Variants in ULK4 observed in about 807,000 individuals in gnomAD.
ULK4 encodes unc-51 like kinase 4.
A neutral mutation model predicts 160.6 loss-of-function variants in ULK4; 133 were observed. The observed-to-expected ratio is 0.83, with a 90% CI of 0.72 to 0.96. ULK4 has a LOEUF of 0.96. Among genes scored for constraint, ULK4 ranks in the 40% least tolerant of loss-of-function variants. The pLI, the probability that ULK4 is intolerant of heterozygous loss-of-function variation, is 0.00. For synonymous variants in ULK4, 534 were observed against 539.8 expected, an observed-to-expected ratio of 0.99 and a Z score of 0.15; for missense variants, 1,580 against 1,499.5, an observed-to-expected ratio of 1.05 and a Z score of -0.89.
At chr3:41,278,531 C>A (rs1004324166) in intron 35 of ULK4, among the ~76,000 whole-genome samples, 1 of 152,152 alleles carries the variant, frequency 6.6e-6, no homozygotes, top group African/African-American at 2.4e-5. Context: ...GGCTGGGAGA[C>A]ACCTCCCAGT....
intron 35 of ULK4, among the ~76,000 whole-genome samples, chr3:41,366,573 A>ACACACACACACACACACACACT (rs4016417): frequency 2.3e-4 from 35 of 151,556 alleles, no homozygotes; most frequent in African/African-American, 8.0e-4. Flanking sequence ...ACACACACAC[A>ACACACACACACACACACACACT]CTTTATCTAT....
At chr3:41,581,936 G>C (rs2030382444) in intron 31 of ULK4, among the ~76,000 whole-genome samples, 1 of 152,200 alleles carries the variant, frequency 6.6e-6, no homozygotes, top group South Asian at 2.1e-4. Context: ...AGTGAAATGG[G>C]AAGTGACAAA....
intron 27 of ULK4, among the ~76,000 whole-genome samples, chr3:41,699,610 A>G (rs2036606454): frequency 6.6e-6 from 1 of 152,214 alleles, no homozygotes; most frequent in African/African-American, 2.4e-5. Context: ...AAACTCTGGG[A>G]AAAATCTGAA....
intron 30 of ULK4, among the ~76,000 whole-genome samples, chr3:41,645,758 T>G (rs1449947283): frequency 6.6e-6 from 1 of 152,212 alleles, no homozygotes; most frequent in African/African-American, 2.4e-5. Flanking sequence ...GTTAACTTTC[T>G]GTCTTGTTGA....
At chr3:41,891,782 A>G (rs1446782572) in intron 16 of ULK4, among the ~76,000 whole-genome samples, 1 of 152,058 alleles carries the variant, frequency 6.6e-6, no homozygotes, top group Non-Finnish European at 1.5e-5. Flanking sequence ...GCAGGTGCCT[A>G]TAATCCCAGC....
chr3:41,673,230 G>A (rs2035596301), intron 29 of ULK4, among the ~76,000 whole-genome samples: 1 of 152,040 alleles, frequency 6.6e-6, no homozygotes, highest in South Asian at 2.1e-4. Flanking sequence ...AGATGGTCAA[G>A]TTCATACCTA....
chr3:41,305,552 C>T (rs2079893075), intron 35 of ULK4, among the ~76,000 whole-genome samples: 1 of 152,198 alleles, frequency 6.6e-6, no homozygotes, highest in African/African-American at 2.4e-5. Context: ...AGTGCAGTGG[C>T]GTGATCTCGG....
intron 20 of ULK4, among the ~76,000 whole-genome samples, chr3:41,795,440 C>T (rs768045421): frequency 3.9e-5 from 6 of 152,136 alleles, no homozygotes; most frequent in Non-Finnish European, 5.9e-5. Flanking sequence ...GGGCAGGATG[C>T]TCCCTCTTAA....
At chr3:41,938,865 G>C (rs1699863736) in intron 2 of ULK4, among the ~76,000 whole-genome samples, 1 of 152,010 alleles carries the variant, frequency 6.6e-6, no homozygotes, top group South Asian at 2.1e-4. Flanking sequence ...TTTTCTATTG[G>C]CTACACTAAG....
chr3:41,827,327 G>C (rs188289240), intron 18 of ULK4, among the ~76,000 whole-genome samples: 1 of 151,572 alleles, frequency 6.6e-6, no homozygotes, highest in East Asian at 1.9e-4. Flanking sequence ...AACTGAAGGA[G>C]ACAGAGACAC....
At chr3:41,735,399 G>C (rs555311152) in intron 22 of ULK4, among the ~76,000 whole-genome samples, 87 of 152,098 alleles carry the variant, frequency 5.7e-4, no homozygotes, top group African/African-American at 1.7e-3. Context: ...CTTAATTCAG[G>C]CTTCTCCTTA....
At chr3:41,310,803 G>A (rs888845375) in intron 35 of ULK4, among the ~76,000 whole-genome samples, 4 of 152,054 alleles carry the variant, frequency 2.6e-5, no homozygotes, top group Non-Finnish European at 5.9e-5. Flanking sequence ...GACCAACATG[G>A]GCGACGTGGC....
intron 13 of ULK4, 59 bp from the exon 14 acceptor site, chr3:41,898,551 C>A: frequency 9.8e-7 from 1 of 1,024,258 alleles, no homozygotes; most frequent in South Asian, 1.4e-5. Flanking sequence ...TATCTGTCTC[C>A]TTATATGTCC....
chr3:41,316,510 G>C (rs929915873), intron 35 of ULK4, among the ~76,000 whole-genome samples: 1 of 152,158 alleles, frequency 6.6e-6, no homozygotes, highest in Non-Finnish European at 1.5e-5. Flanking sequence ...AATTAATGCA[G>C]GAAGAGAAAA....
chr3:41,516,023 T>C (rs1002843136), intron 32 of ULK4, among the ~76,000 whole-genome samples: 6 of 152,228 alleles, frequency 3.9e-5, no homozygotes, highest in African/African-American at 4.8e-5. Context: ...ATTCACTAAA[T>C]TGTATGCTTA....
intron 20 of ULK4, among the ~76,000 whole-genome samples, chr3:41,799,273 T>C (rs17062901): frequency 0.058 from 8,787 of 152,206 alleles, 832 homozygotes; most frequent in African/African-American, 0.19. Context: ...TTATATTTGT[T>C]CAATAGAGTA....
chr3:41,736,826 GTC>G (rs1247106637), intron 22 of ULK4, among the ~76,000 whole-genome samples: 3 of 151,540 alleles, frequency 2.0e-5, no homozygotes, highest in Non-Finnish European at 2.9e-5. Flanking sequence ...ATGGTTTTAG[GTC>G]TAACGTTTAA....
intron 21 of ULK4, among the ~76,000 whole-genome samples, chr3:41,770,534 G>C (rs1046377795): frequency 1.4e-5 from 2 of 138,404 alleles, no homozygotes; most frequent in African/African-American, 2.9e-5. Context: ...TTTTGAGACA[G>C]AGTATTACTC....
intron 17 of ULK4, among the ~76,000 whole-genome samples, chr3:41,869,666 C>G (rs913302169): frequency 3.9e-5 from 6 of 152,292 alleles, no homozygotes; most frequent in African/African-American, 1.4e-4. Context: ...TTAAACACTT[C>G]CGCATGTGTT....
Sources: allele counts gnomAD v4.1 joint callset (sites outside exome capture counted in the v4.1 genomes callset), GRCh38; gene constraint gnomAD v4.1.1; transcripts MANE v1.5; gene names NCBI Gene and HGNC (gene_info 2026-07-23, HGNC 2026-07-21).